Variants in ADAM10 observed in about 807,000 individuals in gnomAD.
ADAM10 encodes the protein disintegrin and metalloproteinase domain-containing protein 10.
A neutral mutation model predicts 90.1 loss-of-function variants in ADAM10; 17 were observed. The observed-to-expected ratio is 0.19, with a 90% confidence interval of 0.13 to 0.28. ADAM10 has a LOEUF of 0.28. Ranked by LOEUF, ADAM10 falls within the 10% of genes least tolerant of loss-of-function variation. The pLI is 1.00. For missense variants in ADAM10, 610 were observed against 914.3 expected, an observed-to-expected ratio of 0.67 and a Z score of 4.29; for synonymous variants, 310 against 298.6, an observed-to-expected ratio of 1.04 and a Z score of -0.40.
rs144734135 is a variant in ADAM10, at chr15:58,682,448, A to G, written c.207-134T>C. On this transcript the variant is annotated intron_variant, in intron 2 of 15. Transcript: ENST00000260408. ...TGTCTATTTGTGAAATACGCTGACCAAGATTTTTAAAGACATATTCTGCTC... is the reference window on the plus strand; with the variant it reads ...TGTCTATTTGTGAAATACGCTGACCGAGATTTTTAAAGACATATTCTGCTC... The G allele has an allele frequency of 2.3e-5, 32 of 1,361,848 alleles. No homozygotes were observed. In the East Asian group the frequency reaches 8.0e-4, roughly 34 times the overall value. The allele number at this position is 1,361,848 out of a possible 1,614,324, so 84.4% of individuals were successfully genotyped here.
intron 14 of ADAM10, among the ~76,000 whole-genome samples, chr15:58,605,599 T>TA (rs1265977014): frequency 6.6e-6 from 1 of 152,200 alleles, no homozygotes; most frequent in Non-Finnish European, 1.5e-5. Flanking sequence ...GCCCACCTGT[T>TA]AGTCTGAAAG....
chr15:58,737,069 A>T (rs1380588152), intron 1 of ADAM10, among the ~76,000 whole-genome samples: 1 of 152,156 alleles, frequency 6.6e-6, no homozygotes, highest in Non-Finnish European at 1.5e-5. Context: ...TTGTCACAGG[A>T]GAGCTTAGGA....
chr15:58,653,988 A>T (rs760061120), intron 5 of ADAM10, among the ~76,000 whole-genome samples: 22 of 152,074 alleles, frequency 1.4e-4, no homozygotes, highest in Non-Finnish European at 2.1e-4. Flanking sequence ...TTTGCAATTT[A>T]TTGGCATATA....
intron 1 of ADAM10, among the ~76,000 whole-genome samples, chr15:58,730,735 C>A (rs1899207566): frequency 6.6e-6 from 1 of 152,068 alleles, no homozygotes; most frequent in African/African-American, 2.4e-5. Flanking sequence ...TGAAGACTGG[C>A]GGGTGGAGTG....
At chr15:58,674,676 A>G (rs1454912203) in intron 4 of ADAM10, among the ~76,000 whole-genome samples, 5 of 152,228 alleles carry the variant, frequency 3.3e-5, no homozygotes, top group Non-Finnish European at 7.3e-5. Context: ...TGACATTTTA[A>G]AAGTTTTAGA....
At chr15:58,619,859 G>A (rs190822515) in intron 11 of ADAM10, among the ~76,000 whole-genome samples, 204 of 151,722 alleles carry the variant, frequency 1.3e-3, no homozygotes, top group East Asian at 2.1e-3. Context: ...AGCAGAGATC[G>A]CGCCACTGCA....
chr15:58,607,816 G>A (rs1201458213), intron 14 of ADAM10, among the ~76,000 whole-genome samples: 1 of 152,158 alleles, frequency 6.6e-6, no homozygotes, highest in African/African-American at 2.4e-5. Context: ...AAGGTAAGAG[G>A]TAGTTTTCTA....
chr15:58,689,212 G>A (rs925319042), intron 2 of ADAM10, among the ~76,000 whole-genome samples: 2 of 152,096 alleles, frequency 1.3e-5, no homozygotes, highest in African/African-American at 2.4e-5. Flanking sequence ...CAGGCCGGGC[G>A]TGGTGGCTCA....
intron 1 of ADAM10, among the ~76,000 whole-genome samples, chr15:58,740,974 A>G (rs1385515754): frequency 1.3e-5 from 2 of 152,342 alleles, no homozygotes; most frequent in East Asian, 3.9e-4. Flanking sequence ...AATTTTAATA[A>G]TATTTATATA....
chr15:58,658,370 G>A (rs1242855429), intron 5 of ADAM10, among the ~76,000 whole-genome samples: 1 of 152,048 alleles, frequency 6.6e-6, no homozygotes, highest in African/African-American at 2.4e-5. Flanking sequence ...TTACCCTTAG[G>A]TCAAGATGAC....
chr15:58,647,757 T>A (rs1377790705), intron 5 of ADAM10, among the ~76,000 whole-genome samples: 1 of 152,164 alleles, frequency 6.6e-6, no homozygotes, highest in African/African-American at 2.4e-5. Context: ...CTTCCTATGT[T>A]GCCCAGGCTG....
rs190103813 is a variant in ADAM10, at chr15:58,722,968, G to A, written c.56-5241C>T. On this transcript the variant is annotated intron_variant, in intron 1 of 15. Transcript: ENST00000260408. The stretch of plus-strand genomic sequence containing the variant: ...GCTGGTCTCAAACTCCTGGGCTCAA[G>A]CGATCCTCCTGCCTCAGCCTCCCAA... Among the ~76,000 whole-genome samples the A allele has an allele frequency of 3.9e-4, 59 of 152,104 alleles. 1 individual carries two copies. The highest frequency in any genetic ancestry group is 1.8e-3 in the Admixed American group (27 of 15,276).
chr15:58,636,295 A>G (rs938907740), intron 8 of ADAM10, among the ~76,000 whole-genome samples: 5 of 152,030 alleles, frequency 3.3e-5, no homozygotes, highest in Non-Finnish European at 7.4e-5. Context: ...AAAAAAAGGA[A>G]GTTTAATATT....
At chr15:58,652,831 C>T (rs1245126886) in intron 5 of ADAM10, among the ~76,000 whole-genome samples, 3 of 152,116 alleles carry the variant, frequency 2.0e-5, no homozygotes, top group African/African-American at 7.2e-5. Flanking sequence ...GACATTTTAA[C>T]AACACTGATT....
In ADAM10 at chr15:58,593,475, G is replaced by C. The variant is rs1425319926; in HGVS notation, c.*4072C>G. ...CCGCCTTGGCCTCCCAAAGTGCTGG[G>C]ATTACAGGTGTGAGCCACCGCACCC... On this transcript the variant is annotated 3_prime_UTR_variant, in exon 16 of 16. Transcript: ENST00000260408. 6.6e-6 allele frequency: 1 copy of C among 152,566 alleles called. No homozygotes were observed. The highest frequency in any genetic ancestry group is 2.4e-5 in the African/African-American group (1 of 41,410). 9.5% of individuals were successfully genotyped at this position (152,566 alleles called of 1,614,324 possible).
chr15:58,642,422 G>A (rs146339369), intron 7 of ADAM10, among the ~76,000 whole-genome samples: 2,217 of 151,178 alleles, frequency 0.015, 59 homozygotes, highest in African/African-American at 0.051. Context: ...CCGAGATTGC[G>A]CCACTGAACT....
rs924176806 is a variant in ADAM10, at chr15:58,594,355, T to C, written c.*3192A>G. 28 of 152,118 alleles carry C rather than the reference T, an allele frequency of 1.8e-4. No homozygotes were observed. The highest frequency in any genetic ancestry group is 6.5e-4 in the African/African-American group (27 of 41,416). 9.4% of individuals were successfully genotyped at this position (152,118 alleles called of 1,614,324 possible). On this transcript the variant is annotated 3_prime_UTR_variant, in exon 16 of 16. Transcript: ENST00000260408. The stretch of plus-strand genomic sequence containing the variant: ...ATTTCATAGTTGCCAAGGACACCAA[T>C]CCCATCTTTAAGAAATAATAATAAT...
intron 5 of ADAM10, among the ~76,000 whole-genome samples, chr15:58,664,487 A>G (rs1897034113): frequency 6.6e-6 from 1 of 152,166 alleles, no homozygotes; most frequent in African/African-American, 2.4e-5. Context: ...ATCAAAGAAT[A>G]GATCTGAATA....
intron 11 of ADAM10, among the ~76,000 whole-genome samples, chr15:58,612,854 T>C (rs866293905): frequency 3.9e-5 from 6 of 152,168 alleles, no homozygotes; most frequent in Admixed American, 2.0e-4. Context: ...CCTGGTGCTA[T>C]AGGCAACCTA....
Sources: allele counts gnomAD v4.1 joint callset (sites outside exome capture counted in the v4.1 genomes callset), GRCh38; gene constraint gnomAD v4.1.1; transcripts MANE v1.5; gene names NCBI Gene and HGNC (gene_info 2026-07-23, HGNC 2026-07-21).